FER: variants seen among roughly 807,000 people sequenced by gnomAD.
FER encodes the protein tyrosine-protein kinase Fer.
In FER, 63 loss-of-function variants were observed where a neutral mutation model predicts 111.0. The observed-to-expected ratio is 0.57, with a 90% CI of 0.46 to 0.70. FER has a LOEUF of 0.70. Among genes scored for constraint, FER ranks in the 30% least tolerant of loss-of-function variants. The probability of loss-of-function intolerance (pLI) is 0.00; values close to 1 mark genes in which losing one functional copy is unlikely to be tolerated. For synonymous variants in FER, 327 were observed against 313.9 expected (o/e 1.04, Z -0.44); for missense variants, 914 against 954.0 (o/e 0.96, Z 0.55).
chr5:108,957,066 G>C lies in FER; in HGVS notation c.1533+2134G>C, dbSNP rs558447885. On this transcript the variant is annotated intron_variant, in intron 12 of 19. Transcript: ENST00000281092. ...AAAAAGAGCACTGAATTTGGAGTTA[G>C]AACACTTGGCTTTCAGTCCTAGCTC... 1.3e-4 allele frequency among the ~76,000 whole-genome samples: 20 copies of C among 151,746 alleles called. No homozygotes were observed. In the South Asian group the frequency reaches 2.1e-3, roughly 16 times the overall value.
At chr5:109,086,013 C>T (rs989937061) in intron 16 of FER, among the ~76,000 whole-genome samples, 1 of 151,460 alleles carries the variant, frequency 6.6e-6, no homozygotes, top group East Asian at 1.9e-4. Flanking sequence ...TTATAATATC[C>T]TTGTAAGGTT....
chr5:108,778,581 G>A (rs1753737060), intron 2 of FER, among the ~76,000 whole-genome samples: 1 of 152,188 alleles, frequency 6.6e-6, no homozygotes, highest in Non-Finnish European at 1.5e-5. Context: ...TAGAAATCAT[G>A]TGATGTGGAG....
chr5:109,072,817 C>T (rs538214522), intron 16 of FER, among the ~76,000 whole-genome samples: 1 of 152,014 alleles, frequency 6.6e-6, no homozygotes, highest in Non-Finnish European at 1.5e-5. Flanking sequence ...CAAGGTGTCA[C>T]CAGGGCCATG....
At chr5:109,103,930 C>T (rs1748569635) in intron 17 of FER, among the ~76,000 whole-genome samples, 1 of 152,114 alleles carries the variant, frequency 6.6e-6, no homozygotes, top group African/African-American at 2.4e-5. Flanking sequence ...GGCTTTGTGC[C>T]ATTGTTCTTT....
At chr5:108,765,203 C>T (rs1214392826) in intron 1 of FER, among the ~76,000 whole-genome samples, 1 of 152,030 alleles carries the variant, frequency 6.6e-6, no homozygotes, top group Non-Finnish European at 1.5e-5. Flanking sequence ...TGAAGTAACG[C>T]AAGGAATATA....
intron 13 of FER, among the ~76,000 whole-genome samples, chr5:109,017,197 T>A (rs1441733302): frequency 6.6e-6 from 1 of 151,994 alleles, no homozygotes; most frequent in Non-Finnish European, 1.5e-5. Flanking sequence ...TTTTGAAATG[T>A]GAGCTTGAGA....
At chr5:108,785,035 T>C (rs1754529091) in intron 2 of FER, 1 of 365,026 alleles carries the variant, frequency 2.7e-6, no homozygotes, top group Admixed American at 3.2e-5. Flanking sequence ...CACTGTCTAG[T>C]ATGAGAGTCA....
intron 11 of FER, among the ~76,000 whole-genome samples, chr5:108,951,552 C>T (rs892470932): frequency 6.6e-6 from 1 of 152,038 alleles, no homozygotes; most frequent in African/African-American, 2.4e-5. Flanking sequence ...ATTAATTAGA[C>T]TATTAAATTA....
At position 109,188,569 on chromosome 5, in the gene FER, T is replaced by TA. The variant is rs1175850640; in HGVS notation, c.*998dup. The TA allele has an allele frequency of 2.0e-5, 3 of 152,120 alleles. No individual in the cohort carries two copies. The highest frequency in any genetic ancestry group is 2.0e-4 in the Admixed American group (3 of 15,286). The allele number at this position is 152,120 out of a possible 1,614,324, so 9.4% of individuals were successfully genotyped here. A position where few individuals can be genotyped will look rare whatever the true frequency, so the allele number is the denominator to read the frequency against. On this transcript the variant is annotated 3_prime_UTR_variant, in exon 20 of 20. Transcript: ENST00000281092. ...CAGAGTAAAGAAGAAAGTGAAAATA[T>TA]AAAACCACCTTATCAGAGTTATGCC...
chr5:108,793,819 G>C (rs1345918302), intron 2 of FER, among the ~76,000 whole-genome samples: 1 of 151,990 alleles, frequency 6.6e-6, no homozygotes, highest in Non-Finnish European at 1.5e-5. Context: ...AGGTTACCAT[G>C]AAGCTTGCAA....
At chr5:109,156,977 A>G (rs1269655039) in intron 17 of FER, among the ~76,000 whole-genome samples, 1 of 152,098 alleles carries the variant, frequency 6.6e-6, no homozygotes, top group East Asian at 1.9e-4. Flanking sequence ...GAGTCCATGG[A>G]GAAGAGGAGG....
Position 108,946,169 on chromosome 5 carries a change from C to T in FER, c.1276C>T (p.His426Tyr). 6.2e-7 allele frequency: 1 copy of T among 1,612,340 alleles called. No individual in the cohort carries two copies. The highest frequency in any genetic ancestry group is 8.5e-7 in the Non-Finnish European group (1 of 1,178,906). The change falls in exon 11 of 20, where the codon CAT (histidine) becomes TAT (tyrosine). Residue 426 changes from histidine (H) to tyrosine (Y), a missense_variant. Transcript: ENST00000281092. ...ERLSKFESIR[H>Y]SIAGIIRSPK... ...GCTATCCAAATTTGAATCTATTCGT[C>T]ATTCAATTGCTGGAATAATTAGGTC...
At chr5:109,176,825 T>G (rs1440421079) in intron 17 of FER, among the ~76,000 whole-genome samples, 1 of 152,052 alleles carries the variant, frequency 6.6e-6, no homozygotes, top group African/African-American at 2.4e-5. Context: ...AAAAAGTAAA[T>G]AAATCTGCCA....
chr5:108,982,868 T>C (rs1433929464), intron 13 of FER, among the ~76,000 whole-genome samples: 1 of 152,110 alleles, frequency 6.6e-6, no homozygotes, highest in African/African-American at 2.4e-5. Flanking sequence ...TATTAGCATT[T>C]ACCTACTTAA....
Position 108,872,931 on chromosome 5 carries a change from A to C in FER, c.923+719A>C, listed in dbSNP as rs554053540. ...GAACCACAGCTATAAATGATTATGC[A>C]CTCATTGCTCCTCAATGTTAGACAT... is the stretch of plus-strand genomic sequence containing the variant. On this transcript the variant is annotated intron_variant, in intron 8 of 19. Transcript: ENST00000281092. Among the ~76,000 whole-genome samples the C allele has an allele frequency of 9.1e-4, 138 of 152,240 alleles. 1 individual carries two copies. Among genetic ancestry groups the C allele is most frequent in the South Asian group, 1.0e-3 (5 of 4,824 alleles).
At chr5:109,021,910 G>A (rs895189006) in intron 13 of FER, among the ~76,000 whole-genome samples, 3 of 151,964 alleles carry the variant, frequency 2.0e-5, no homozygotes, top group Non-Finnish European at 4.4e-5. Context: ...AGCCCCTGTA[G>A]GTATGCAGCT....
In FER at chr5:108,847,211, C is replaced by A. The variant is rs191808521; in HGVS notation, c.481+11404C>A. 2.2e-3 allele frequency among the ~76,000 whole-genome samples: 335 copies of A among 150,340 alleles called. 5 individuals are homozygous for A. Among genetic ancestry groups the A allele is most frequent in the Non-Finnish European group, 3.9e-3 (266 of 67,624 alleles). On this transcript the variant is annotated intron_variant, in intron 5 of 19. Transcript: ENST00000281092. ...TATATATTATGTTTTCATTTTTATTCCGGTCAAAATGCTTTCTAATTTCCT... is the reference window on the plus strand; with the variant it reads ...TATATATTATGTTTTCATTTTTATTACGGTCAAAATGCTTTCTAATTTCCT...
At chr5:108,822,268 A>G (rs1300467190) in intron 3 of FER, among the ~76,000 whole-genome samples, 1 of 151,996 alleles carries the variant, frequency 6.6e-6, no homozygotes, top group East Asian at 1.9e-4. Flanking sequence ...TTATCTATTC[A>G]TTTGTTGAGG....
At chr5:109,182,647 G>A (rs113216764) in intron 18 of FER, among the ~76,000 whole-genome samples, 1 of 152,180 alleles carries the variant, frequency 6.6e-6, no homozygotes, top group African/African-American at 2.4e-5. Context: ...CAGATTCTCT[G>A]TGTTATATAG....
Sources: allele counts gnomAD v4.1 joint callset (sites outside exome capture counted in the v4.1 genomes callset), GRCh38; gene constraint gnomAD v4.1.1; transcripts MANE v1.5; gene names NCBI Gene and HGNC (gene_info 2026-07-23, HGNC 2026-07-21).